The following WWOX variants were observed in gnomAD, a reference collection of about 807,000 sequenced individuals.
WWOX encodes WW domain-containing oxidoreductase.
In WWOX, 69 loss-of-function variants were observed where a neutral mutation model predicts 46.2. The observed-to-expected ratio is 1.49, with a 90% confidence interval of 1.23 to 1.82. The LOEUF is 1.82. WWOX is among the 40% of genes most tolerant of loss of function. The pLI is 0.00. For missense variants in WWOX, 919 were observed against 542.6 expected (o/e 1.69, Z -6.89); for synonymous variants, 359 against 202.6 (o/e 1.77, Z -6.56).
At chr16:78,472,809 C>CAAAAAAAAA (rs756666392) in intron 8 of WWOX, among the ~76,000 whole-genome samples, 1 of 50,900 alleles carries the variant, frequency 2.0e-5, no homozygotes, top group African/African-American at 4.2e-5. Context: ...AACTCCATCT[C>CAAAAAAAAA]AAAAAAAAAA....
chr16:78,571,133 A>G (rs1032677021), intron 8 of WWOX, among the ~76,000 whole-genome samples: 12 of 152,206 alleles, frequency 7.9e-5, no homozygotes, highest in African/African-American at 2.2e-4. Flanking sequence ...TAGAAGAGAA[A>G]TGTACATTTC....
At chr16:79,073,008 T>A (rs1438546778) in intron 8 of WWOX, among the ~76,000 whole-genome samples, 1 of 152,066 alleles carries the variant, frequency 6.6e-6, no homozygotes, top group Non-Finnish European at 1.5e-5. Flanking sequence ...CATGTGGCTG[T>A]TCATCAGCAC....
chr16:78,723,634 C>CTTTTTTT (rs201842978), intron 8 of WWOX, among the ~76,000 whole-genome samples: 1 of 78,810 alleles, frequency 1.3e-5, no homozygotes, highest in Non-Finnish European at 2.5e-5. Context: ...TTTCTTTTTT[C>CTTTTTTT]TTTTCTTTTC....
At chr16:78,679,243 G>C (rs941302934) in intron 8 of WWOX, among the ~76,000 whole-genome samples, 7 of 152,180 alleles carry the variant, frequency 4.6e-5, no homozygotes, top group African/African-American at 1.4e-4. Flanking sequence ...ATGGCGTTGA[G>C]GTAGAGGTAG....
intron 8 of WWOX, among the ~76,000 whole-genome samples, chr16:79,202,064 T>TA (rs1156468520): frequency 1.3e-5 from 2 of 152,050 alleles, no homozygotes; most frequent in Admixed American, 6.6e-5. Context: ...CCTTTTTTTT[T>TA]ATAAATAAAG....
At chr16:78,925,281 G>A (rs908377771) in intron 8 of WWOX, among the ~76,000 whole-genome samples, 3 of 152,220 alleles carry the variant, frequency 2.0e-5, no homozygotes, top group African/African-American at 7.2e-5. Context: ...CCACTGGGTG[G>A]CAGCATACTG....
intron 4 of WWOX, among the ~76,000 whole-genome samples, chr16:78,140,725 C>T (rs1363843455): frequency 1.3e-5 from 2 of 152,186 alleles, no homozygotes; most frequent in African/African-American, 4.8e-5. Context: ...CCTTAATGCC[C>T]TCAGTTTAAC....
chr16:79,063,144 A>G (rs1162068336), intron 8 of WWOX, among the ~76,000 whole-genome samples: 3 of 152,232 alleles, frequency 2.0e-5, no homozygotes, highest in Non-Finnish European at 4.4e-5. Context: ...ACTTCTGCTG[A>G]AGAAGGATTC....
intron 8 of WWOX, among the ~76,000 whole-genome samples, chr16:78,856,224 T>C (rs1240908539): frequency 1.3e-5 from 2 of 152,290 alleles, no homozygotes; most frequent in Non-Finnish European, 2.9e-5. Flanking sequence ...GATAAGGATT[T>C]AGGCAGGGAC....
intron 8 of WWOX, among the ~76,000 whole-genome samples, chr16:78,879,883 A>C (rs2044308345): frequency 6.6e-6 from 1 of 151,730 alleles, no homozygotes; most frequent in Non-Finnish European, 1.5e-5. Context: ...GTCTCAAAAA[A>C]AAAAAAGAAG....
At chr16:78,439,582 T>A (rs910391125) in intron 8 of WWOX, among the ~76,000 whole-genome samples, 2 of 152,236 alleles carry the variant, frequency 1.3e-5, no homozygotes, top group African/African-American at 4.8e-5. Context: ...TTTAGAATCA[T>A]GAGGGTTGTA....
intron 8 of WWOX, among the ~76,000 whole-genome samples, chr16:78,996,046 C>T (rs183721971): frequency 3.9e-4 from 60 of 152,202 alleles, no homozygotes; most frequent in African/African-American, 1.4e-3. Context: ...AAGAGGGAAA[C>T]TGGTGATTCC....
At chr16:78,575,070 T>TATAA (rs2044839990) in intron 8 of WWOX, among the ~76,000 whole-genome samples, 1 of 27,594 alleles carries the variant, frequency 3.6e-5, no homozygotes, top group Non-Finnish European at 6.9e-5. Context: ...TATATATATA[T>TATAA]ATATATATAT....
intron 8 of WWOX, among the ~76,000 whole-genome samples, chr16:78,904,303 A>C (rs1468556020): frequency 7.6e-6 from 1 of 130,994 alleles, no homozygotes; most frequent in Non-Finnish European, 1.5e-5. Context: ...CACTGGCATG[A>C]TCTCGGCTCA....
intron 8 of WWOX, among the ~76,000 whole-genome samples, chr16:79,182,442 A>G (rs1390690985): frequency 6.6e-6 from 1 of 152,040 alleles, no homozygotes; most frequent in Non-Finnish European, 1.5e-5. Context: ...AATATGTGCC[A>G]TCTTTGTTTA....
intron 8 of WWOX, among the ~76,000 whole-genome samples, chr16:79,099,078 G>T (rs2049136820): frequency 6.7e-6 from 1 of 149,598 alleles, no homozygotes; most frequent in South Asian, 2.1e-4. Context: ...CACATGGGCA[G>T]AGAGGAAGCA....
At chr16:78,697,124 T>G (rs1287395156) in intron 8 of WWOX, among the ~76,000 whole-genome samples, 1 of 152,242 alleles carries the variant, frequency 6.6e-6, no homozygotes, top group East Asian at 1.9e-4. Flanking sequence ...GCTGTAAACA[T>G]GCGTGTGCAA....
In WWOX at chr16:78,216,448, A is replaced by G. The variant is rs180712823; in HGVS notation, c.516+52159A>G. Among the ~76,000 whole-genome samples the G allele has an allele frequency of 5.9e-5, 9 of 152,296 alleles. No individual in the cohort carries two copies. In the East Asian group the frequency reaches 9.7e-4, roughly 16 times the overall value. On this transcript the variant is annotated intron_variant, in intron 5 of 8. Transcript: ENST00000566780. ...GTATTGTCTTTCAGTTCTGTAAGAT[A>G]GAAGTCCTACAGGGTTCTCCTTGGG...
intron 8 of WWOX, among the ~76,000 whole-genome samples, chr16:78,696,292 G>T (rs2048098076): frequency 6.6e-6 from 1 of 152,140 alleles, no homozygotes; most frequent in Non-Finnish European, 1.5e-5. Context: ...AGCTCATATT[G>T]GTTACAGTGA....
Sources: allele counts gnomAD v4.1 joint callset (sites outside exome capture counted in the v4.1 genomes callset), GRCh38; gene constraint gnomAD v4.1.1; transcripts MANE v1.5; gene names NCBI Gene and HGNC (gene_info 2026-07-23, HGNC 2026-07-21).